Variants in SEZ6 observed in about 807,000 individuals in gnomAD.
SEZ6 encodes the protein seizure protein 6 homolog.
A neutral mutation model predicts 101.0 loss-of-function variants in SEZ6; 53 were observed. That is an observed-to-expected ratio of 0.52 (90% CI 0.42 to 0.66). SEZ6 has a LOEUF of 0.66. Among genes scored for constraint, SEZ6 ranks in the 30% least tolerant of loss-of-function variants. The pLI, the probability that SEZ6 is intolerant of heterozygous loss-of-function variation, is 0.00. For missense variants in SEZ6, 1,102 were observed against 1,289.4 expected, an observed-to-expected ratio of 0.85 and a Z score of 2.23; for synonymous variants, 488 against 512.2, an observed-to-expected ratio of 0.95 and a Z score of 0.64.
chr17:28,956,212 AGGGGCG>A lies in SEZ6; in HGVS notation c.2893_2898del (p.Arg965_Pro966del), dbSNP rs750344311. ...GCTGACTCTATGGTAATGCGGTTGTAGGGGCGGGGGCGGGGGCGGGGCAGCTGCAGG... is the reference window on the plus strand; with the variant it reads ...GCTGACTCTATGGTAATGCGGTTGTAGGGGCGGGGGCGGGGCAGCTGCAGG... On this transcript the variant is annotated inframe_deletion, in exon 16 of 17. Coordinates refer to ENST00000317338, the MANE Select transcript of SEZ6 (RefSeq NM_178860.5). 30 of 150,698 alleles carry A rather than the reference AGGGGCG, an allele frequency of 2.0e-4. No homozygotes were observed. Among genetic ancestry groups the A allele is most frequent in the African/African-American group, 8.5e-4 (5 of 5,890 alleles). 9.3% of individuals were successfully genotyped at this position (150,698 alleles called of 1,614,324 possible).
At chr17:28,963,721 C>T (rs532260518) in intron 5 of SEZ6, among the ~76,000 whole-genome samples, 2 of 152,316 alleles carry the variant, frequency 1.3e-5, no homozygotes, top group East Asian at 3.8e-4. Context: ...TTCTCCCTTT[C>T]CTGGAAATGT....
At position 28,969,878 on chromosome 17, in the gene SEZ6, CA is replaced by C; in HGVS notation, c.932del (p.Leu311ArgfsTer22). On this transcript the variant is annotated frameshift_variant, in exon 4 of 17. Transcript: ENST00000317338. LOFTEE classifies it high-confidence loss of function. The part of the protein sequence containing the change: ...EGLGGPDPLP[L>X]ANQSFLLRGQ... ...CCCGCAGCAGGAAAGACTGGTTGGC[CA>C]GGGGCAGTGGGTCAGGCCCCCCCAG... 5 of 1,541,544 alleles carry C rather than the reference CA, an allele frequency of 3.2e-6. No homozygotes were observed. Among genetic ancestry groups the C allele is most frequent in the Non-Finnish European group, 4.3e-6 (5 of 1,152,908 alleles).
In SEZ6 at chr17:28,956,184, A is replaced by C. The variant is rs759780533; in HGVS notation, c.2927T>G (p.Phe976Cys). Reference protein sequence around the residue: ...PYNRITIESAFDNPTYETGSL... With the variant: ...PYNRITIESACDNPTYETGSL... ...TCCAGTCTCGTAAGTTGGATTGTCAAACGCTGACTCTATGGTAATGCGGTT... is the reference window on the plus strand; with the variant it reads ...TCCAGTCTCGTAAGTTGGATTGTCACACGCTGACTCTATGGTAATGCGGTT... Residue 976 changes from phenylalanine to cysteine, a missense_variant, in exon 16 of 17, where the codon TTT becomes TGT. Phe to Cys is a radical substitution (Grantham distance 205). Transcript: ENST00000317338. 3 of 1,171,838 alleles carry C rather than the reference A, an allele frequency of 2.6e-6. No homozygotes were observed. Among genetic ancestry groups the C allele is most frequent in the South Asian group, 1.2e-5 (1 of 83,372 alleles). 72.6% of individuals were successfully genotyped at this position (1,171,838 alleles called of 1,614,324 possible).
intron 1 of SEZ6, 96 bp from the exon 2 acceptor site, chr17:28,982,135 A>G: frequency 6.9e-7 from 1 of 1,450,600 alleles, no homozygotes; most frequent in Non-Finnish European, 9.0e-7. Flanking sequence ...CTCTTTTGAC[A>G]GACAGCCCTG....
intron 1 of SEZ6, among the ~76,000 whole-genome samples, chr17:28,982,532 G>C (rs2041323555): frequency 6.6e-6 from 1 of 152,256 alleles, no homozygotes; most frequent in African/African-American, 2.4e-5. Flanking sequence ...TTTCCTGTCT[G>C]AGATGATAGG....
chr17:29,004,556 T>G (rs1412606812), intron 1 of SEZ6, among the ~76,000 whole-genome samples: 5 of 152,102 alleles, frequency 3.3e-5, no homozygotes, highest in African/African-American at 1.2e-4. Context: ...GGGCCACAGT[T>G]TTTCTTCCTG....
chr17:28,958,320 G>C (rs1859591835), intron 10 of SEZ6, among the ~76,000 whole-genome samples, 179 bp from the exon 11 acceptor site: 1 of 152,162 alleles, frequency 6.6e-6, no homozygotes, highest in South Asian at 2.1e-4. Context: ...ACATTGCTCT[G>C]TCTCCTAGAT....
At position 28,981,628 on chromosome 17, in the gene SEZ6, G is replaced by A. The variant is rs370104223; in HGVS notation, c.467C>T (p.Pro156Leu). The A allele has an allele frequency of 3.8e-6, 6 of 1,587,402 alleles. No individual in the cohort carries two copies. Among genetic ancestry groups the A allele is most frequent in the Non-Finnish European group, 5.2e-6 (6 of 1,162,566 alleles). Reference protein sequence around the residue: ...SPMLRITAPLPPGPSMAVPTL... With the variant: ...SPMLRITAPLLPGPSMAVPTL... ...GGGCACTGCCATGCTGGGCCCTGGA[G>A]GTAGGGGAGCTGTGATTCGAAGCAT... is the stretch of plus-strand genomic sequence containing the variant. The change falls in exon 2 of 17, where the codon CCT (proline) becomes CTT (leucine). Residue 156 changes from proline (P) to leucine (L), a missense_variant. By Grantham distance (98) the Pro-to-Leu change is moderately conservative. Coordinates refer to ENST00000317338, the MANE Select transcript of SEZ6 (RefSeq NM_178860.5).
intron 1 of SEZ6, among the ~76,000 whole-genome samples, chr17:28,997,673 C>T (rs774126805): frequency 1.3e-5 from 2 of 152,206 alleles, no homozygotes; most frequent in Non-Finnish European, 2.9e-5. Context: ...GGGCTCCTCT[C>T]AAGGGGTCTT....
intron 1 of SEZ6, among the ~76,000 whole-genome samples, chr17:28,987,037 C>T (rs751970428): frequency 1.3e-5 from 2 of 152,148 alleles, no homozygotes; most frequent in Non-Finnish European, 2.9e-5. Context: ...CAACTGTCAG[C>T]TTCGGGGGAG....
At position 28,958,738 on chromosome 17, in the gene SEZ6, A is replaced by G. The variant is rs185939062; in HGVS notation, c.2107+287T>C. On this transcript the variant is annotated intron_variant, in intron 10 of 16. Coordinates refer to ENST00000317338, the MANE Select transcript of SEZ6 (RefSeq NM_178860.5). ...CCAGGAGGTGGAGGTTGCAATGAAC[A>G]GAGATCACACCATGGTCTGGGTGAC... Among the ~76,000 whole-genome samples, 335 of 152,114 alleles carry G rather than the reference A, an allele frequency of 2.2e-3. 6 individuals are homozygous for G. The highest frequency in any genetic ancestry group is 0.018 in the Admixed American group (280 of 15,274).
chr17:28,967,976 G>A (rs959772274), intron 4 of SEZ6, among the ~76,000 whole-genome samples: 23 of 152,276 alleles, frequency 1.5e-4, no homozygotes, highest in African/African-American at 4.8e-4. Flanking sequence ...ATGCAGGAGG[G>A]GGATGTCTGT....
Position 28,979,711 on chromosome 17 carries a change from G to C in SEZ6, c.827C>G (p.Ser276Cys), listed in dbSNP as rs1289021403. Residue 276 changes from serine (S) to cysteine (C), a missense_variant, in exon 3 of 17, where the codon TCT becomes TGT. Physicochemically the swap from Ser to Cys is moderately radical, Grantham distance 112. This residue lies in a region of SEZ6 where 406 missense variants were observed against 418.6 expected (regional missense o/e 0.97). Coordinates refer to ENST00000317338, the MANE Select transcript of SEZ6 (RefSeq NM_178860.5). ...DVGLDCFFYI[S>C]VYPGYGVEIK... Reference sequence around the variant, plus strand: ...TTCCACGCCATAGCCAGGGTAGACAGAGATGTAGAAGAAGCAGTCCAGGCC... The same window carrying C: ...TTCCACGCCATAGCCAGGGTAGACACAGATGTAGAAGAAGCAGTCCAGGCC... 2 of 1,613,912 alleles carry C rather than the reference G, an allele frequency of 1.2e-6. No homozygotes were observed. Among genetic ancestry groups the C allele is most frequent in the Admixed American group, 1.7e-5 (1 of 60,006 alleles).
chr17:28,974,613 T>A (rs1488352798), intron 3 of SEZ6, among the ~76,000 whole-genome samples: 1 of 152,172 alleles, frequency 6.6e-6, no homozygotes, highest in Non-Finnish European at 1.5e-5. Flanking sequence ...AGTTGAGAGA[T>A]CCTCTTTGGT....
intron 7 of SEZ6, 21 bp downstream of exon 7, chr17:28,960,484 G>C (rs772322882): frequency 6.3e-7 from 1 of 1,579,736 alleles, no homozygotes; most frequent in Admixed American, 1.8e-5. Flanking sequence ...GCCACCCCCA[G>C]TGAGGCCCCA....
At chr17:28,960,358 AG>A (rs959169273) in intron 7 of SEZ6, 146 bp downstream of exon 7, 24 of 1,056,660 alleles carry the variant, frequency 2.3e-5, no homozygotes, top group Non-Finnish European at 2.9e-5. Flanking sequence ...GGGCAGGGAA[AG>A]GGGGCCTAAG....
At chr17:28,992,417 C>G (rs2041474865) in intron 1 of SEZ6, among the ~76,000 whole-genome samples, 1 of 151,990 alleles carries the variant, frequency 6.6e-6, no homozygotes, top group Non-Finnish European at 1.5e-5. Context: ...TGTGTGTGTT[C>G]AAGTGCATGT....
At position 28,955,887 on chromosome 17, in the gene SEZ6, C is replaced by T; in HGVS notation, c.*75G>A. The T allele has an allele frequency of 6.6e-7, 1 of 1,521,648 alleles. No individual in the cohort carries two copies. Among genetic ancestry groups the T allele is most frequent in the Non-Finnish European group, 9.0e-7 (1 of 1,112,012 alleles). The allele number at this position is 1,521,648 out of a possible 1,614,324, so 94.3% of individuals were successfully genotyped here. On this transcript the variant is annotated 3_prime_UTR_variant, in exon 17 of 17. Coordinates refer to ENST00000317338, the MANE Select transcript of SEZ6 (RefSeq NM_178860.5). ...CAGGAGGTGGAGGGACAGCAGGAAG[C>T]AAGGAGCCTTGCTGCTGGACTGTGG...
At chr17:28,986,470 G>T (rs1473362509) in intron 1 of SEZ6, among the ~76,000 whole-genome samples, 1 of 152,232 alleles carries the variant, frequency 6.6e-6, no homozygotes, top group Non-Finnish European at 1.5e-5. Context: ...AAGGACTGGG[G>T]CGTGTTCTAG....
Sources: allele counts gnomAD v4.1 joint callset (sites outside exome capture counted in the v4.1 genomes callset), GRCh38; gene constraint gnomAD v4.1.1; regional missense constraint gnomAD v4.1.1; transcripts MANE v1.5; gene names NCBI Gene and HGNC (gene_info 2026-07-23, HGNC 2026-07-21).